The following HS3ST4 variants were observed in gnomAD, a reference collection of about 807,000 sequenced individuals.
HS3ST4 encodes heparan sulfate glucosamine 3-O-sulfotransferase 4.
A neutral mutation model predicts 29.2 loss-of-function variants in HS3ST4; 17 were observed. The observed-to-expected ratio is 0.58, with a 90% CI of 0.40 to 0.87. The LOEUF (loss-of-function observed/expected upper bound fraction) is 0.87, where lower values mean the gene tolerates loss of function less well. Among genes scored for constraint, HS3ST4 ranks in the 40% least tolerant of loss-of-function variants. The pLI, the probability that HS3ST4 is intolerant of heterozygous loss-of-function variation, is 0.00. For missense variants in HS3ST4, 627 were observed against 634.5 expected, an observed-to-expected ratio of 0.99 and a Z score of 0.13; for synonymous variants, 314 against 285.7, an observed-to-expected ratio of 1.10 and a Z score of -1.00.
intron 1 of HS3ST4, among the ~76,000 whole-genome samples, chr16:25,784,721 T>C (rs963943785): frequency 3.9e-5 from 6 of 152,190 alleles, no homozygotes; most frequent in Non-Finnish European, 7.3e-5. Context: ...GCCATCTCCA[T>C]AACATAAAAA....
chr16:25,835,066 A>G (rs929003150), intron 1 of HS3ST4, among the ~76,000 whole-genome samples: 3 of 152,246 alleles, frequency 2.0e-5, no homozygotes, highest in African/African-American at 7.2e-5. Context: ...AAGGGGTTTC[A>G]TCACCATGAG....
chr16:25,845,384 C>T (rs1399502470), intron 1 of HS3ST4, among the ~76,000 whole-genome samples: 1 of 152,012 alleles, frequency 6.6e-6, no homozygotes, highest in Non-Finnish European at 1.5e-5. Context: ...TGATGAGCAC[C>T]TGTAATCCCA....
intron 1 of HS3ST4, among the ~76,000 whole-genome samples, chr16:25,915,493 A>T (rs995436574): frequency 1.3e-5 from 2 of 152,176 alleles, no homozygotes; most frequent in African/African-American, 4.8e-5. Flanking sequence ...ACATCTGTGG[A>T]TGCATTTGGA....
chr16:25,769,942 C>A (rs1004912680), intron 1 of HS3ST4, among the ~76,000 whole-genome samples: 1 of 152,164 alleles, frequency 6.6e-6, no homozygotes, highest in Non-Finnish European at 1.5e-5. Flanking sequence ...GTCTCTCCAG[C>A]CCCTTCTCCT....
chr16:25,884,711 G>A (rs976660584), intron 1 of HS3ST4, among the ~76,000 whole-genome samples: 2 of 152,052 alleles, frequency 1.3e-5, no homozygotes, highest in South Asian at 2.1e-4. Context: ...GATTACAGGC[G>A]TGCACCAACA....
intron 1 of HS3ST4, among the ~76,000 whole-genome samples, chr16:26,110,786 T>G (rs527258341): frequency 4.6e-5 from 7 of 152,130 alleles, no homozygotes; most frequent in African/African-American, 7.2e-5. Flanking sequence ...CATCATCTAG[T>G]CTTGCACTAC....
intron 1 of HS3ST4, among the ~76,000 whole-genome samples, chr16:25,934,787 A>C (rs1968502795): frequency 6.6e-6 from 1 of 152,116 alleles, no homozygotes; most frequent in Non-Finnish European, 1.5e-5. Flanking sequence ...TTTTTAATGT[A>C]AACTTTATGT....
At chr16:25,823,086 T>C (rs746310592) in intron 1 of HS3ST4, among the ~76,000 whole-genome samples, 5 of 152,168 alleles carry the variant, frequency 3.3e-5, no homozygotes, top group Non-Finnish European at 7.3e-5. Flanking sequence ...GAAAGGGACC[T>C]GCAATTCAAG....
intron 1 of HS3ST4, among the ~76,000 whole-genome samples, chr16:26,116,633 T>C (rs1228405337): frequency 1.3e-5 from 2 of 152,190 alleles, no homozygotes; most frequent in African/African-American, 4.8e-5. Context: ...TCATCAGAGA[T>C]TGAGATATAT....
chr16:25,903,306 GTATA>G lies in HS3ST4; in HGVS notation c.734+210157_734+210160del, dbSNP rs1235431088. Among the ~76,000 whole-genome samples the G allele has an allele frequency of 6.4e-4, 85 of 132,990 alleles. 1 individual carries two copies. Among genetic ancestry groups the G allele is most frequent in the Admixed American group, 1.3e-3 (16 of 12,444 alleles). The allele number at this position is 132,990 out of a possible 152,430, so 87.2% of individuals were successfully genotyped here. On this transcript the variant is annotated intron_variant, in intron 1 of 1. Transcript: ENST00000331351. ...TGTGTGTGTGTGTGTGTGTGTGTAT[GTATA>G]TGTATATATTATATATATGTATATG... is the stretch of plus-strand genomic sequence containing the variant.
chr16:26,097,664 T>C (rs1168026638), intron 1 of HS3ST4, among the ~76,000 whole-genome samples: 8 of 152,172 alleles, frequency 5.3e-5, no homozygotes, highest in Non-Finnish European at 1.0e-4. Flanking sequence ...ATTCAGGACA[T>C]AGACATGGGC....
chr16:26,133,662 G>T (rs755527254), intron 1 of HS3ST4, among the ~76,000 whole-genome samples: 14 of 152,190 alleles, frequency 9.2e-5, no homozygotes, highest in Non-Finnish European at 1.6e-4. Flanking sequence ...TGCTTGCCGA[G>T]ATAGCTCAAA....
Position 26,039,470 on chromosome 16 carries a change from A to T in HS3ST4, c.735-96142A>T, listed in dbSNP as rs1346918077. On this transcript the variant is annotated intron_variant, in intron 1 of 1. Coordinates refer to ENST00000331351, the MANE Select transcript of HS3ST4 (RefSeq NM_006040.3). ...TTTTATTTTTATTTTATGTGGGTAC[A>T]TAGTGGGTGTATATATTTGTGGTAT... 2.6e-5 allele frequency among the ~76,000 whole-genome samples: 4 copies of T among 152,190 alleles called. No individual in the cohort carries two copies. In the East Asian group the frequency reaches 7.7e-4, roughly 29 times the overall value.
intron 1 of HS3ST4, among the ~76,000 whole-genome samples, chr16:26,025,870 G>C (rs1424231218): frequency 6.6e-6 from 1 of 152,190 alleles, no homozygotes; most frequent in Admixed American, 6.5e-5. Flanking sequence ...CTGCCTCCCG[G>C]ATTTAAACAA....
intron 1 of HS3ST4, among the ~76,000 whole-genome samples, chr16:26,132,300 C>T (rs1211954689): frequency 6.6e-6 from 1 of 152,142 alleles, no homozygotes; most frequent in Non-Finnish European, 1.5e-5. Context: ...TTCTCACTGA[C>T]AAAATAACTG....
At chr16:26,043,235 G>A (rs182259547) in intron 1 of HS3ST4, among the ~76,000 whole-genome samples, 2 of 152,286 alleles carry the variant, frequency 1.3e-5, no homozygotes, top group African/African-American at 4.8e-5. Flanking sequence ...GTATGGTAAA[G>A]CAACTTTACA....
At chr16:25,810,720 C>T (rs1001409264) in intron 1 of HS3ST4, among the ~76,000 whole-genome samples, 4 of 152,174 alleles carry the variant, frequency 2.6e-5, no homozygotes, top group African/African-American at 9.7e-5. Context: ...CCCTGAATGA[C>T]TTAGCAAGTT....
At chr16:25,917,191 A>G (rs757006506) in intron 1 of HS3ST4, among the ~76,000 whole-genome samples, 2 of 151,964 alleles carry the variant, frequency 1.3e-5, no homozygotes, top group African/African-American at 4.8e-5. Context: ...TATTCATTCT[A>G]TTATCACTCT....
intron 1 of HS3ST4, among the ~76,000 whole-genome samples, chr16:25,803,634 C>G (rs1383144713): frequency 6.6e-6 from 1 of 152,088 alleles, no homozygotes. Context: ...GACTTCCTAT[C>G]TTTGGTTCTC....
Sources: gnomAD v4.1 joint callset for allele counts (sites outside exome capture counted in the v4.1 genomes callset) on GRCh38, gnomAD v4.1.1 for gene constraint, MANE v1.5 for transcripts, NCBI Gene and HGNC (gene_info 2026-07-23, HGNC 2026-07-21) for gene names.